VPS13D: variants seen among roughly 807,000 people sequenced by gnomAD.
VPS13D encodes the protein vacuolar protein sorting 13 homolog D.
VPS13D carries 187 observed loss-of-function variants against 461.9 expected under a neutral mutation model. That is an observed-to-expected ratio of 0.40 (90% CI 0.36 to 0.46). VPS13D has a LOEUF of 0.46. Among genes scored for constraint, VPS13D ranks in the 20% least tolerant of loss-of-function variants. The pLI, the probability that VPS13D is intolerant of heterozygous loss-of-function variation, is 0.60. For synonymous variants in VPS13D, 1,951 were observed against 1,986.3 expected (o/e 0.98, Z 0.47); for missense variants, 4,711 against 5,364.9 (o/e 0.88, Z 3.81).
rs1311494969 is a variant in VPS13D, at chr1:12,271,143, A to T, written c.2103+19A>T. On this transcript the variant is annotated intron_variant, in intron 17 of 69. Transcript: ENST00000620676. ...TTTCATTGTAAGTGGGCATCCATAA[A>T]CACTCTTTGGGGATTGGGGAAGGGG... is the stretch of plus-strand genomic sequence containing the variant. The T allele has an allele frequency of 6.2e-7, 1 of 1,613,808 alleles. No individual in the cohort carries two copies. Among genetic ancestry groups the T allele is most frequent in the Non-Finnish European group, 8.5e-7 (1 of 1,179,806 alleles).
intron 67 of VPS13D, among the ~76,000 whole-genome samples, chr1:12,491,019 C>A (rs1258718150): frequency 6.6e-6 from 1 of 152,190 alleles, no homozygotes; most frequent in Non-Finnish European, 1.5e-5. Context: ...TTTGATTAGG[C>A]CATTTGGTCA....
At chr1:12,508,415 A>T (rs1287089056) in intron 69 of VPS13D, among the ~76,000 whole-genome samples, 4 of 152,008 alleles carry the variant, frequency 2.6e-5, no homozygotes, top group African/African-American at 9.7e-5. Flanking sequence ...GGGAATGTTT[A>T]AAAAGACCGG....
chr1:12,448,743 CT>C, intron 65 of VPS13D, among the ~76,000 whole-genome samples: 1 of 152,306 alleles, frequency 6.6e-6, no homozygotes, highest in East Asian at 1.9e-4. Context: ...CTGCTTATTT[CT>C]GCGGTTTTTA....
intron 25 of VPS13D, among the ~76,000 whole-genome samples, chr1:12,302,187 G>A (rs1200352608): frequency 1.3e-5 from 2 of 152,116 alleles, no homozygotes; most frequent in Admixed American, 6.5e-5. Context: ...ATAATCTTAC[G>A]GGAGCATCAT....
chr1:12,474,540 T>G (rs1048504583), intron 67 of VPS13D, among the ~76,000 whole-genome samples: 3 of 152,162 alleles, frequency 2.0e-5, no homozygotes, highest in Non-Finnish European at 4.4e-5. Context: ...AAACTATTTC[T>G]TTCATTTCTA....
intron 67 of VPS13D, among the ~76,000 whole-genome samples, chr1:12,468,459 C>T (rs1645520355): frequency 6.6e-6 from 1 of 152,162 alleles, no homozygotes; most frequent in Admixed American, 6.5e-5. Flanking sequence ...TCCCAGAGAG[C>T]TTTAGACTGT....
In VPS13D at chr1:12,279,748, A is replaced by T; in HGVS notation, c.4602+98A>T. On this transcript the variant is annotated intron_variant, in intron 20 of 69. Transcript: ENST00000620676. The surrounding 1 kb of genome is among the most constrained non-coding windows in gnomAD (Gnocchi z 4.3). ...ATATTACATGTTGGAAGGAATATAT[A>T]TTTTCAAAGATATATCACCCATGCA... The T allele has an allele frequency of 9.2e-7, 1 of 1,083,318 alleles. No individual in the cohort carries two copies. The highest frequency in any genetic ancestry group is 1.2e-6 in the Non-Finnish European group (1 of 807,688). The allele number at this position is 1,083,318 out of a possible 1,614,324, so 67.1% of individuals were successfully genotyped here.
chr1:12,325,393 G>T (rs1195436876), intron 35 of VPS13D, among the ~76,000 whole-genome samples: 1 of 152,106 alleles, frequency 6.6e-6, no homozygotes, highest in Non-Finnish European at 1.5e-5. Flanking sequence ...CTGAGTAGCT[G>T]GGATTACAGG....
chr1:12,437,703 G>A (rs1242853766), intron 65 of VPS13D, among the ~76,000 whole-genome samples: 1 of 152,062 alleles, frequency 6.6e-6, no homozygotes, highest in Admixed American at 6.5e-5. Flanking sequence ...TTGATTCGTA[G>A]TTTTAGTTTT....
rs1641427024 is a variant in VPS13D, at chr1:12,271,088, G to A, written c.2067G>A (p.Arg689=). 3 of 1,613,936 alleles carry A rather than the reference G, an allele frequency of 1.9e-6. No individual in the cohort carries two copies. Among genetic ancestry groups the A allele is most frequent in the Non-Finnish European group, 2.5e-6 (3 of 1,179,936 alleles). ...KLKMQTKAEI[R]QTLDRLLVGD... Reference sequence around the variant, plus strand: ...AGATGCAGACCAAGGCAGAAATCCGGCAAACTCTTGATCGTTTGCTAGTGG... The same window carrying A: ...AGATGCAGACCAAGGCAGAAATCCGACAAACTCTTGATCGTTTGCTAGTGG... Residue 689 remains arginine (R), a synonymous_variant, in exon 17 of 70, where the codon CGG becomes CGA. Coordinates refer to ENST00000620676, the MANE Select transcript of VPS13D (RefSeq NM_015378.4).
chr1:12,444,128 A>AC (rs1322659518), intron 65 of VPS13D, among the ~76,000 whole-genome samples: 1 of 152,206 alleles, frequency 6.6e-6, no homozygotes, highest in Non-Finnish European at 1.5e-5. Context: ...GGTGTGAGCC[A>AC]CCGTGCCCAG....
In VPS13D at chr1:12,277,074, A is replaced by C. The variant is rs1443156941; in HGVS notation, c.3486A>C (p.Gln1162His). 7 of 1,614,084 alleles carry C rather than the reference A, an allele frequency of 4.3e-6. No homozygotes were observed. Among genetic ancestry groups the C allele is most frequent in the Non-Finnish European group, 5.9e-6 (7 of 1,180,040 alleles). Residue 1162 changes from glutamine (Q) to histidine (H), a missense_variant, in exon 19 of 70, where the codon CAA (glutamine) becomes CAC (histidine). Around this residue, in one of 3 missense-constraint regions of VPS13D, gnomAD observed 4,411 missense variants for 4,937.8 expected, o/e 0.89. Transcript: ENST00000620676. The part of the protein sequence containing the change: ...EQGTYQSTYE[Q>H]NTEVAVEIHR... The stretch of plus-strand genomic sequence containing the variant: ...GAACTTACCAGTCTACATATGAACA[A>C]AACACTGAGGTTGCAGTGGAAATCC...
intron 2 of VPS13D, among the ~76,000 whole-genome samples, chr1:12,235,706 C>T (rs956491965): frequency 2.6e-5 from 4 of 152,224 alleles, no homozygotes; most frequent in South Asian, 2.1e-4. Flanking sequence ...TTCCTATTCT[C>T]CTGGTTTTCC....
chr1:12,279,427 T>G lies in VPS13D; in HGVS notation c.4451-72T>G. 1 of 1,471,926 alleles carries G rather than the reference T, an allele frequency of 6.8e-7. No individual in the cohort carries two copies. Among genetic ancestry groups the G allele is most frequent in the Middle Eastern group, 1.9e-4 (1 of 5,362 alleles). The allele number at this position is 1,471,926 out of a possible 1,614,324, so 91.2% of individuals were successfully genotyped here. A position where few individuals can be genotyped will look rare whatever the true frequency, so the allele number is the denominator to read the frequency against. On this transcript the variant is annotated intron_variant, in intron 19 of 69. Coordinates refer to ENST00000620676, the MANE Select transcript of VPS13D (RefSeq NM_015378.4). The surrounding 1 kb of genome is among the most constrained non-coding windows in gnomAD (Gnocchi z 4.3). ...AACTCATGGGCTGTATTTTGTATAT[T>G]CTACGTTTAATCAGCAGTAATGAAG...
At chr1:12,508,480 C>T (rs913662880) in intron 69 of VPS13D, among the ~76,000 whole-genome samples, 6 of 144,996 alleles carry the variant, frequency 4.1e-5, no homozygotes, top group East Asian at 2.0e-4. Context: ...CCGAGGCGGG[C>T]GGATCACGAG....
chr1:12,403,324 G>A (rs376672698), intron 62 of VPS13D, among the ~76,000 whole-genome samples: 5 of 152,180 alleles, frequency 3.3e-5, no homozygotes, highest in South Asian at 2.1e-4. Flanking sequence ...GAGACAGGGC[G>A]CTGCTTGTAG....
At chr1:12,462,309 G>A (rs942863698) in intron 67 of VPS13D, among the ~76,000 whole-genome samples, 12 of 152,204 alleles carry the variant, frequency 7.9e-5, no homozygotes, top group African/African-American at 2.4e-4. Flanking sequence ...TTCTAGGAAA[G>A]TAATCTTTGA....
intron 67 of VPS13D, among the ~76,000 whole-genome samples, chr1:12,479,798 A>G (rs1012351180): frequency 2.6e-5 from 4 of 152,186 alleles, no homozygotes; most frequent in African/African-American, 9.7e-5. Context: ...TAGGAGCTTA[A>G]TATCTGCCTA....
rs144399152 is a variant in VPS13D at position 12,376,616 on chromosome 1, T to C, written c.10918-1812T>C. On this transcript the variant is annotated intron_variant, in intron 55 of 69. Coordinates refer to ENST00000620676, the MANE Select transcript of VPS13D (RefSeq NM_015378.4). ...CCAAGGTCATTCAGCTTGTAAATTG[T>C]GTAGCTGGATCTCAGATCCTGGCAT... 1.6e-4 allele frequency among the ~76,000 whole-genome samples: 25 copies of C among 152,342 alleles called. No homozygotes were observed. The East Asian group carries it at 4.8e-3, about 29-fold the overall frequency.
Sources: gnomAD v4.1 joint callset for allele counts (sites outside exome capture counted in the v4.1 genomes callset) on GRCh38, gnomAD v4.1.1 for gene constraint, gnomAD v4.1.1 regional missense constraint, Gnocchi (gnomAD v3.1) non-coding constraint, MANE v1.5 for transcripts, NCBI Gene and HGNC (gene_info 2026-07-23, HGNC 2026-07-21) for gene names.